The following PACSIN1 variants were observed in gnomAD, a reference collection of about 807,000 sequenced individuals.
PACSIN1 encodes the protein protein kinase C and casein kinase substrate in neurons protein 1.
A neutral mutation model predicts 59.5 loss-of-function variants in PACSIN1; 15 were observed. The ratio of observed to expected loss-of-function variants is 0.25; its 90% CI spans 0.17 to 0.39. PACSIN1 has a LOEUF of 0.39. Ranked by LOEUF, PACSIN1 falls within the 10% of genes least tolerant of loss-of-function variation. The probability of loss-of-function intolerance (pLI) is 1.00; values close to 1 mark genes in which losing one functional copy is unlikely to be tolerated. For missense variants in PACSIN1, 420 were observed against 580.2 expected (o/e 0.72, Z 2.84); for synonymous variants, 210 against 220.6 (o/e 0.95, Z 0.42).
Position 34,516,977 on chromosome 6 carries a change from T to C in PACSIN1, c.-63-9266T>C, listed in dbSNP as rs931865305. 5.3e-5 allele frequency among the ~76,000 whole-genome samples: 8 copies of C among 152,120 alleles called. No individual in the cohort carries two copies. The highest frequency in any genetic ancestry group is 1.0e-4 in the Non-Finnish European group (7 of 67,998). The stretch of plus-strand genomic sequence containing the variant: ...TGGCTCCCGGCTGGCCCCTCCTCAC[T>C]GCCCTTGACCCCCGTGCAGGAGCTG... On this transcript the variant is annotated intron_variant, in intron 1 of 9. Transcript: ENST00000244458. The surrounding 1 kb of genome is among the most constrained non-coding windows in gnomAD (Gnocchi z 5.4).
chr6:34,488,842 G>A lies in PACSIN1; in HGVS notation c.-64+22572G>A, dbSNP rs1766829895. On this transcript the variant is annotated intron_variant, in intron 1 of 9. Coordinates refer to ENST00000244458, the MANE Select transcript of PACSIN1 (RefSeq NM_020804.5). The surrounding 1 kb of genome is among the most constrained non-coding windows in gnomAD (Gnocchi z 4.7). ...CCCAAAATGCTGGGATTACAGGCGT[G>A]AGCCACCTCACCCGGCCTATTATTT... Among the ~76,000 whole-genome samples, 1 of 152,160 alleles carries A rather than the reference G, an allele frequency of 6.6e-6. No homozygotes were observed. The highest frequency in any genetic ancestry group is 2.1e-4 in the South Asian group (1 of 4,816).
intron 1 of PACSIN1, among the ~76,000 whole-genome samples, chr6:34,519,690 CCATGGGGGTAGGTGCTAT>C (rs1581981558): frequency 1.3e-5 from 2 of 152,224 alleles, no homozygotes; most frequent in East Asian, 1.9e-4. Context: ...CTCCTACACC[CCATGGGGGTAGGTGCTAT>C]CATGGGGGTA....
intron 1 of PACSIN1, among the ~76,000 whole-genome samples, chr6:34,490,498 G>A (rs1472823130): frequency 6.6e-6 from 1 of 152,066 alleles, no homozygotes; most frequent in Non-Finnish European, 1.5e-5. Context: ...AGCTGCTAGC[G>A]GTGGTAACTG....
intron 1 of PACSIN1, among the ~76,000 whole-genome samples, chr6:34,496,525 C>T (rs1056121959): frequency 2.0e-5 from 3 of 152,174 alleles, no homozygotes; most frequent in East Asian, 3.9e-4. Flanking sequence ...CCTTCAGCTG[C>T]GCTGGCTGGA....
intron 1 of PACSIN1, among the ~76,000 whole-genome samples, chr6:34,477,052 T>C (rs1211403123): frequency 6.6e-6 from 1 of 152,130 alleles, no homozygotes; most frequent in African/African-American, 2.4e-5. Context: ...CCATTGCTCA[T>C]TTGGGCTGTG....
chr6:34,496,941 C>CTCTTTT (rs34462425), intron 1 of PACSIN1, among the ~76,000 whole-genome samples: 1 of 100,806 alleles, frequency 9.9e-6, no homozygotes, highest in Admixed American at 1.4e-4. Context: ...CTCTCTCTCT[C>CTCTTTT]TTTTTTTTTT....
At chr6:34,510,753 C>G (rs1315423552) in intron 1 of PACSIN1, among the ~76,000 whole-genome samples, 1 of 152,224 alleles carries the variant, frequency 6.6e-6, no homozygotes, top group Non-Finnish European at 1.5e-5. Flanking sequence ...CTCGCTCTCA[C>G]CTAGGTTGGA....
In PACSIN1 at chr6:34,527,351, C is replaced by T; in HGVS notation, c.83C>T (p.Thr28Ile). 6.3e-7 allele frequency: 1 copy of T among 1,588,374 alleles called. No homozygotes were observed. The highest frequency in any genetic ancestry group is 8.6e-7 in the Non-Finnish European group (1 of 1,168,346). Residue 28 changes from threonine to isoleucine, a missense_variant, in exon 3 of 10, where the codon ACC becomes ATC. Coordinates refer to ENST00000244458, the MANE Select transcript of PACSIN1 (RefSeq NM_020804.5). ...SFWEVGNYKR[T>I]VKRIDDGHRL... Reference sequence around the variant, plus strand: ...CGCCAGGTGGGGAACTACAAGCGGACCGTGAAGCGCATCGATGACGGCCAC... The same window carrying T: ...CGCCAGGTGGGGAACTACAAGCGGATCGTGAAGCGCATCGATGACGGCCAC...
intron 1 of PACSIN1, among the ~76,000 whole-genome samples, chr6:34,510,335 T>C (rs1235730336): frequency 6.6e-6 from 1 of 152,188 alleles, no homozygotes; most frequent in Non-Finnish European, 1.5e-5. Flanking sequence ...ACCAATGGCT[T>C]CCCTTCATAC....
chr6:34,530,147 C>A lies in PACSIN1; in HGVS notation c.789-96C>A. On this transcript the variant is annotated intron_variant, in intron 6 of 9. Transcript: ENST00000244458. The surrounding 1 kb of genome is among the most constrained non-coding windows in gnomAD (Gnocchi z 4.4). ...TCCTGGCTGGGCAGCATGCCCAGCA[C>A]CCTGCTTCCCTGAGTGGACTCTGGC... 6.9e-7 allele frequency: 1 copy of A among 1,459,768 alleles called. No homozygotes were observed. The highest frequency in any genetic ancestry group is 9.2e-7 in the Non-Finnish European group (1 of 1,091,004). 90.4% of individuals were successfully genotyped at this position (1,459,768 alleles called of 1,614,324 possible). A position where few individuals can be genotyped will look rare whatever the true frequency, so the allele number is the denominator to read the frequency against.
intron 1 of PACSIN1, among the ~76,000 whole-genome samples, chr6:34,523,665 A>T (rs538984226): frequency 6.6e-6 from 1 of 152,256 alleles, no homozygotes; most frequent in East Asian, 1.9e-4. Context: ...TCCCTTTCTG[A>T]TGGTGAGAGA....
At chr6:34,510,646 A>G (rs1445948903) in intron 1 of PACSIN1, among the ~76,000 whole-genome samples, 1 of 152,176 alleles carries the variant, frequency 6.6e-6, no homozygotes, top group Non-Finnish European at 1.5e-5. Flanking sequence ...TCTCTGTTCA[A>G]ATGTCATCTC....
At chr6:34,501,730 T>C (rs575444608) in intron 1 of PACSIN1, among the ~76,000 whole-genome samples, 1 of 152,078 alleles carries the variant, frequency 6.6e-6, no homozygotes, top group African/African-American at 2.4e-5. Context: ...GAAAGGTAGG[T>C]TATTAAAAAA....
chr6:34,483,603 G>C (rs975869140), intron 1 of PACSIN1, among the ~76,000 whole-genome samples: 2 of 148,972 alleles, frequency 1.3e-5, no homozygotes, highest in Non-Finnish European at 3.0e-5. Flanking sequence ...CTGGCTCTGT[G>C]GCTCTTAGCC....
intron 1 of PACSIN1, among the ~76,000 whole-genome samples, chr6:34,484,557 A>G (rs1766764931): frequency 6.6e-6 from 1 of 152,216 alleles, no homozygotes; most frequent in South Asian, 2.1e-4. Context: ...GTCAAAACCT[A>G]TAGAATATAC....
intron 1 of PACSIN1, among the ~76,000 whole-genome samples, chr6:34,504,268 GTGTATA>G (rs57928488): frequency 3.6e-4 from 35 of 96,890 alleles, no homozygotes; most frequent in South Asian, 1.3e-3. Flanking sequence ...GTGTGTGTGT[GTGTATA>G]TATATATATA....
At chr6:34,499,112 A>G (rs937147258) in intron 1 of PACSIN1, among the ~76,000 whole-genome samples, 1 of 152,116 alleles carries the variant, frequency 6.6e-6, no homozygotes, top group Admixed American at 6.6e-5. Flanking sequence ...GGGAGCCCAG[A>G]GCTTTTCCTA....
Position 34,530,762 on chromosome 6 carries a change from G to C in PACSIN1, c.1037+175G>C, listed in dbSNP as rs1258718119. Among the ~76,000 whole-genome samples, 1 of 152,120 alleles carries C rather than the reference G, an allele frequency of 6.6e-6. No individual in the cohort carries two copies. Among genetic ancestry groups the C allele is most frequent in the Non-Finnish European group, 1.5e-5 (1 of 68,022 alleles). ...CCGTCCCCAATCTTTTTGGGACCAG[G>C]GACCAGTTTTGTGGAAGACAATTTT... On this transcript the variant is annotated intron_variant, in intron 8 of 9. Coordinates refer to ENST00000244458, the MANE Select transcript of PACSIN1 (RefSeq NM_020804.5). The surrounding 1 kb of genome is among the most constrained non-coding windows in gnomAD (Gnocchi z 4.4).
At chr6:34,493,067 C>T (rs1431289554) in intron 1 of PACSIN1, among the ~76,000 whole-genome samples, 4 of 152,196 alleles carry the variant, frequency 2.6e-5, no homozygotes, top group African/African-American at 9.7e-5. Context: ...AGCGCTGGGG[C>T]TGGGAGGACA....
Sources: gnomAD v4.1 joint callset for allele counts (sites outside exome capture counted in the v4.1 genomes callset) on GRCh38, gnomAD v4.1.1 for gene constraint, Gnocchi (gnomAD v3.1) non-coding constraint, MANE v1.5 for transcripts, NCBI Gene and HGNC (gene_info 2026-07-23, HGNC 2026-07-21) for gene names.